GCA: variants seen among roughly 807,000 people sequenced by gnomAD.
GCA encodes the protein grancalcin.
A neutral mutation model predicts 32.6 loss-of-function variants in GCA; 30 were observed. The ratio of observed to expected loss-of-function variants is 0.92; its 90% CI spans 0.69 to 1.25. GCA has a LOEUF of 1.25. Among genes scored for constraint, GCA ranks in the 50% most tolerant of loss-of-function variants. GCA has a pLI of 0.00. For missense variants in GCA, 291 were observed against 266.8 expected (o/e 1.09, Z -0.63); for synonymous variants, 102 against 84.6 (o/e 1.21, Z -1.13).
At chr2:162,322,865 C>CA (rs1683734169) in intron 1 of GCA, among the ~76,000 whole-genome samples, 1 of 151,796 alleles carries the variant, frequency 6.6e-6, no homozygotes. Context: ...CCACAATAAA[C>CA]ATACATGTGC....
intron 2 of GCA, among the ~76,000 whole-genome samples, chr2:162,348,949 A>G (rs1684849870): frequency 2.0e-5 from 3 of 151,990 alleles, no homozygotes; most frequent in Admixed American, 2.0e-4. Context: ...TTGATAAATA[A>G]TATAATATTA....
chr2:162,346,354 A>G (rs531012993), intron 1 of GCA, among the ~76,000 whole-genome samples: 76 of 152,350 alleles, frequency 5.0e-4, no homozygotes, highest in African/African-American at 1.7e-3. Context: ...AATTTGCAGC[A>G]TTAGCTTTCC....
chr2:162,342,015 A>G (rs1165542988), upstream of GCA, among the ~76,000 whole-genome samples: 1 of 152,226 alleles, frequency 6.6e-6, no homozygotes, highest in Non-Finnish European at 1.5e-5. Flanking sequence ...AAAGAAAAAT[A>G]TTTAAAAAGC....
At chr2:162,325,688 T>C (rs1225185558) in intron 1 of GCA, among the ~76,000 whole-genome samples, 1 of 152,144 alleles carries the variant, frequency 6.6e-6, no homozygotes, top group Non-Finnish European at 1.5e-5. Context: ...CCTGACACTA[T>C]ATGTGATACA....
chr2:162,325,328 C>T (rs538999468), intron 1 of GCA, among the ~76,000 whole-genome samples: 2 of 152,226 alleles, frequency 1.3e-5, no homozygotes, highest in Non-Finnish European at 1.5e-5. Context: ...TTCCCTGTCT[C>T]TATTATAAAA....
At chr2:162,321,187 A>G (rs1338333924) in intron 1 of GCA, among the ~76,000 whole-genome samples, 1 of 152,166 alleles carries the variant, frequency 6.6e-6, no homozygotes, top group East Asian at 1.9e-4. Context: ...ATCATGATTT[A>G]GTTTATTTTC....
At chr2:162,348,325 T>TA (rs1007497933) in intron 2 of GCA, among the ~76,000 whole-genome samples, 14 of 151,898 alleles carry the variant, frequency 9.2e-5, no homozygotes, top group Admixed American at 2.0e-4. Flanking sequence ...TCCCATTTTT[T>TA]AAAAAAAACT....
upstream of GCA, chr2:162,343,962 C>A (rs774435395): frequency 1.1e-4 from 49 of 460,702 alleles, no homozygotes; most frequent in Non-Finnish European, 1.9e-4. Flanking sequence ...GACTGGAGGG[C>A]TCCCGATGGG....
chr2:162,345,128 G>GGTGGTGGTT (rs1684627915), intron 1 of GCA, among the ~76,000 whole-genome samples: 1 of 150,454 alleles, frequency 6.6e-6, no homozygotes, highest in Admixed American at 6.6e-5. Context: ...TGGTGGTGGT[G>GGTGGTGGTT]GTGGTGGTTG....
intron 1 of GCA, among the ~76,000 whole-genome samples, chr2:162,321,651 T>C (rs1683667290): frequency 6.6e-6 from 1 of 151,912 alleles, no homozygotes; most frequent in African/African-American, 2.4e-5. Flanking sequence ...TATTTCTTAA[T>C]TGCTGTGCTT....
intron 6 of GCA, 113 bp downstream of exon 6, chr2:162,359,270 C>T (rs1313248378): frequency 5.8e-6 from 4 of 688,814 alleles, no homozygotes; most frequent in East Asian, 5.4e-5. Context: ...CCTTTATTCA[C>T]TGTTAAATCT....
At chr2:162,324,249 G>T (rs1315788149) in intron 1 of GCA, among the ~76,000 whole-genome samples, 1 of 152,172 alleles carries the variant, frequency 6.6e-6, no homozygotes, top group Non-Finnish European at 1.5e-5. Context: ...TGTATCCCAG[G>T]TTCTTGACTT....
intron 2 of GCA, among the ~76,000 whole-genome samples, chr2:162,350,744 C>T (rs571141296): frequency 4.6e-5 from 7 of 152,292 alleles, no homozygotes; most frequent in African/African-American, 1.7e-4. Flanking sequence ...ATTTCCCAGT[C>T]TTGTGCTTTT....
downstream of GCA, among the ~76,000 whole-genome samples, chr2:162,373,981 A>C (rs982819359): frequency 6.6e-6 from 1 of 152,164 alleles, no homozygotes; most frequent in African/African-American, 2.4e-5. Flanking sequence ...TTAATCAGTA[A>C]TTGTCTTTGC....
intron 2 of GCA, among the ~76,000 whole-genome samples, chr2:162,351,544 A>T (rs1276106930): frequency 6.6e-6 from 1 of 152,202 alleles, no homozygotes; most frequent in Non-Finnish European, 1.5e-5. Flanking sequence ...AAAATCCATT[A>T]GAATGTGAGT....
chr2:162,346,459 C>T (rs1258595769), intron 1 of GCA: 2 of 152,234 alleles, frequency 1.3e-5, no homozygotes, highest in African/African-American at 4.8e-5. Flanking sequence ...TATTTCTCCA[C>T]TTTCTTCAAT....
At chr2:162,367,344 A>G (rs1173193113), downstream of GCA, among the ~76,000 whole-genome samples, 1 of 151,976 alleles carries the variant, frequency 6.6e-6, no homozygotes, top group East Asian at 1.9e-4. Flanking sequence ...ATTTTCTGTA[A>G]AAATGGAAAA....
rs756232437 is a variant in GCA at position 162,347,709 on chromosome 2, C to T, written c.159C>T (p.Ser53=). 2.0e-4 allele frequency: 317 copies of T among 1,596,284 alleles called. 1 individual carries two copies. The highest frequency in any genetic ancestry group is 2.5e-4 in the Non-Finnish European group (290 of 1,169,370). ...ACACTTATTCCTCAGCTGGTGACTCCGTGTATACTTACTTCAGTGCTGTTG... is the reference window on the plus strand; with the variant it reads ...ACACTTATTCCTCAGCTGGTGACTCTGTGTATACTTACTTCAGTGCTGTTG... ...YSDTYSSAGD[S]VYTYFSAVAG... is the part of the protein sequence containing the mutation. Residue 53 remains serine, a synonymous_variant, in exon 2 of 8, where the codon TCC becomes TCT. Coordinates refer to ENST00000437150, the MANE Select transcript of GCA (RefSeq NM_012198.5).
chr2:162,347,694 C>T lies in GCA; in HGVS notation c.144C>T (p.Ser48=). 1 of 1,607,386 alleles carries T rather than the reference C, an allele frequency of 6.2e-7. No homozygotes were observed. The highest frequency in any genetic ancestry group is 8.5e-7 in the Non-Finnish European group (1 of 1,175,722). The change falls in exon 2 of 8, where the codon TCC becomes TCT. Residue 48 remains serine, a synonymous_variant. Coordinates refer to ENST00000437150, the MANE Select transcript of GCA (RefSeq NM_012198.5). ...GGCCAGCATATTCAGACACTTATTC[C>T]TCAGCTGGTGACTCCGTGTATACTT... ...YSGPAYSDTY[S]SAGDSVYTYF...
Sources: allele counts gnomAD v4.1 joint callset (sites outside exome capture counted in the v4.1 genomes callset), GRCh38; gene constraint gnomAD v4.1.1; transcripts MANE v1.5; gene names NCBI Gene and HGNC (gene_info 2026-07-23, HGNC 2026-07-21).